TRPC4AP: variants seen among roughly 807,000 people sequenced by gnomAD.
The protein encoded by TRPC4AP is short transient receptor potential channel 4-associated protein.
Under a neutral mutation model 99.0 loss-of-function variants are expected in TRPC4AP, and 45 were observed. The ratio of observed to expected loss-of-function variants is 0.45; its 90% CI spans 0.36 to 0.58. The LOEUF (loss-of-function observed/expected upper bound fraction) is 0.58. Ranked by LOEUF, TRPC4AP falls within the 20% of genes least tolerant of loss-of-function variation. The pLI is 0.00. For synonymous variants in TRPC4AP, 408 were observed against 385.8 expected (o/e 1.06, Z -0.67); for missense variants, 879 against 985.3 (o/e 0.89, Z 1.44).
At chr20:35,092,580 G>GCCCCC in intron 1 of TRPC4AP, 34 bp downstream of exon 1, 1 of 618,722 alleles carries the variant, frequency 1.6e-6, no homozygotes, top group Non-Finnish European at 2.4e-6. Context: ...CGCCTGGTCC[G>GCCCCC]CCCCGCCCCG....
intron 1 of TRPC4AP, among the ~76,000 whole-genome samples, chr20:35,086,199 T>C (rs1051423603): frequency 1.3e-5 from 2 of 151,992 alleles, no homozygotes; most frequent in African/African-American, 4.8e-5. Flanking sequence ...GCTTAAAGAA[T>C]CCGTCTAGCT....
At chr20:35,036,623 T>C (rs58208529) in intron 7 of TRPC4AP, among the ~76,000 whole-genome samples, 1 of 152,030 alleles carries the variant, frequency 6.6e-6, no homozygotes, top group Non-Finnish European at 1.5e-5. Context: ...CAAGGTGAAG[T>C]AGGGTATAGT....
At chr20:35,024,051 CTT>C (rs1178242284) in intron 8 of TRPC4AP, among the ~76,000 whole-genome samples, 5 of 152,128 alleles carry the variant, frequency 3.3e-5, no homozygotes, top group Non-Finnish European at 5.9e-5. Flanking sequence ...CCCTGAGTCT[CTT>C]CAGCTCTACC....
At chr20:35,079,866 A>T (rs1454766957) in intron 1 of TRPC4AP, among the ~76,000 whole-genome samples, 1 of 151,496 alleles carries the variant, frequency 6.6e-6, no homozygotes, top group East Asian at 1.9e-4. Context: ...AAAATAAAAA[A>T]AAAAAATAAG....
intron 15 of TRPC4AP, 105 bp downstream of exon 15, chr20:35,006,330 C>A: frequency 7.3e-7 from 1 of 1,370,326 alleles, no homozygotes; most frequent in Non-Finnish European, 1.0e-6. Flanking sequence ...CAGACTCCCC[C>A]GTCGTCTCTA....
At position 35,003,526 on chromosome 20, in the gene TRPC4AP, G is replaced by A. The variant is rs11552601; in HGVS notation, c.2140C>T (p.Arg714Trp). ...RLPLYLRLLQ[R>W]MEHSKKYPGF... ...GGGTACTTCTTGCTGTGCTCCATCCGCTGCAGCAGCCGCAGGTACAGGGGC... is the reference window on the plus strand; with the variant it reads ...GGGTACTTCTTGCTGTGCTCCATCCACTGCAGCAGCCGCAGGTACAGGGGC... The change falls in exon 18 of 19, where the codon CGG (arginine) becomes TGG (tryptophan). Residue 714 changes from arginine (R) to tryptophan (W), a missense_variant. Around this residue, in one of 3 missense-constraint regions of TRPC4AP, gnomAD observed 224 missense variants for 264.7 expected, o/e 0.85. Coordinates refer to ENST00000252015, the MANE Select transcript of TRPC4AP (RefSeq NM_015638.3). The A allele has an allele frequency of 3.7e-6, 6 of 1,613,820 alleles. No individual in the cohort carries two copies. In the Admixed American group the frequency reaches 5.0e-5, roughly 13 times the overall value.
intron 2 of TRPC4AP, among the ~76,000 whole-genome samples, chr20:35,076,785 C>A (rs1311201422): frequency 6.6e-6 from 1 of 152,216 alleles, no homozygotes; most frequent in Non-Finnish European, 1.5e-5. Flanking sequence ...CTACTCTCTT[C>A]AAAGCTGTCA....
chr20:35,004,578 G>A lies in TRPC4AP; in HGVS notation c.1937-8C>T. The A allele has an allele frequency of 6.2e-7, 1 of 1,611,732 alleles. No individual in the cohort carries two copies. The highest frequency in any genetic ancestry group is 8.5e-7 in the Non-Finnish European group (1 of 1,178,660). On this transcript the variant is annotated splice_polypyrimidine_tract_variant and splice_region_variant and intron_variant, in intron 16 of 18. Coordinates refer to ENST00000252015, the MANE Select transcript of TRPC4AP (RefSeq NM_015638.3). ...CAGACAGTACCTCGGCAACTGTGGA[G>A]GGAGGCAGGGGTGCAGCAGGTCAGG...
intron 6 of TRPC4AP, among the ~76,000 whole-genome samples, chr20:35,045,641 T>G (rs2083543694): frequency 1.3e-5 from 2 of 151,940 alleles, no homozygotes; most frequent in Admixed American, 1.3e-4. Flanking sequence ...TGGGTTCAAG[T>G]GATTCTCCTG....
At chr20:35,070,035 G>A (rs1477589148) in intron 2 of TRPC4AP, among the ~76,000 whole-genome samples, 1 of 152,096 alleles carries the variant, frequency 6.6e-6, no homozygotes, top group Non-Finnish European at 1.5e-5. Flanking sequence ...AGGCCATAAG[G>A]AGAAGAAATG....
At position 35,006,510 on chromosome 20, in the gene TRPC4AP, G is replaced by A. The variant is rs745514987; in HGVS notation, c.1752C>T (p.Asp584=). ...TGAACTTCATCAGCTCCCCCAGGAG[G>A]TCAAAGTAACTCTGGAGCACATCCC... is the stretch of plus-strand genomic sequence containing the variant. ...KSRDVLQSYF[D]LLGELMKFNV... The change falls in exon 15 of 19, where the codon GAC becomes GAT. Residue 584 remains aspartate, a synonymous_variant. Transcript: ENST00000252015. 3.1e-6 allele frequency: 5 copies of A among 1,614,110 alleles called. No individual in the cohort carries two copies. The highest frequency in any genetic ancestry group is 1.6e-4 in the Middle Eastern group (1 of 6,084).
chr20:35,050,725 A>AC (rs1412022164), intron 5 of TRPC4AP, among the ~76,000 whole-genome samples: 1 of 150,170 alleles, frequency 6.7e-6, no homozygotes, highest in African/African-American at 2.4e-5. Context: ...AAAAAAAAAC[A>AC]AAACAAAAAA....
At chr20:35,026,111 C>T (rs2083023381) in intron 8 of TRPC4AP, among the ~76,000 whole-genome samples, 1 of 152,124 alleles carries the variant, frequency 6.6e-6, no homozygotes, top group Admixed American at 6.5e-5. Flanking sequence ...TATTTCTGAA[C>T]TCTCAACAAT....
At chr20:35,030,639 C>T (rs1387673003) in intron 8 of TRPC4AP, among the ~76,000 whole-genome samples, 1 of 152,210 alleles carries the variant, frequency 6.6e-6, no homozygotes, top group East Asian at 1.9e-4. Flanking sequence ...TGGTTCTCCT[C>T]ACCGATTCCT....
intron 5 of TRPC4AP, among the ~76,000 whole-genome samples, chr20:35,051,586 T>TA (rs2083701701): frequency 6.6e-6 from 1 of 151,646 alleles, no homozygotes; most frequent in African/African-American, 2.4e-5. Flanking sequence ...TTAATACATT[T>TA]CGGTTCTTCA....
At chr20:35,041,729 T>C (rs1404431686) in intron 7 of TRPC4AP, among the ~76,000 whole-genome samples, 2 of 152,216 alleles carry the variant, frequency 1.3e-5, no homozygotes, top group African/African-American at 2.4e-5. Context: ...TCTGCCAGAA[T>C]AGATTCCTTA....
chr20:35,003,348 C>A lies in TRPC4AP; in HGVS notation c.2256+62G>T. On this transcript the variant is annotated intron_variant, in intron 18 of 18. Coordinates refer to ENST00000252015, the MANE Select transcript of TRPC4AP (RefSeq NM_015638.3). ...CCAGGTCAAGCCCAGCACCGGGACA[C>A]CCCTCTGAGAGGCCCTGGGTCCGCG... 2.5e-6 allele frequency: 4 copies of A among 1,612,986 alleles called. No homozygotes were observed. The South Asian group carries it at 4.4e-5, about 18-fold the overall frequency.
chr20:35,033,332 CTGG>C (rs1302784479), intron 8 of TRPC4AP, among the ~76,000 whole-genome samples: 1 of 152,150 alleles, frequency 6.6e-6, no homozygotes, highest in Non-Finnish European at 1.5e-5. Context: ...TCCCCAAAGA[CTGG>C]TGAAGATTTT....
intron 2 of TRPC4AP, among the ~76,000 whole-genome samples, chr20:35,072,994 T>C (rs1016947032): frequency 1.1e-4 from 17 of 152,232 alleles, no homozygotes; most frequent in African/African-American, 3.1e-4. Flanking sequence ...GAAGAGGTCC[T>C]TCACATCCCT....
Sources: allele counts gnomAD v4.1 joint callset (sites outside exome capture counted in the v4.1 genomes callset), GRCh38; gene constraint gnomAD v4.1.1; regional missense constraint gnomAD v4.1.1; transcripts MANE v1.5; gene names NCBI Gene and HGNC (gene_info 2026-07-23, HGNC 2026-07-21).